BUB3: variants seen among roughly 807,000 people sequenced by gnomAD.
The protein encoded by BUB3 is mitotic checkpoint protein BUB3.
A neutral mutation model predicts 39.9 loss-of-function variants in BUB3; 22 were observed. That is an observed-to-expected ratio of 0.55 (90% CI 0.39 to 0.79). The LOEUF is 0.79. BUB3 is among the 30% of genes least tolerant of loss of function. The pLI is 0.00. For missense variants in BUB3, 303 were observed against 415.4 expected (o/e 0.73, Z 2.35); for synonymous variants, 168 against 155.1 (o/e 1.08, Z -0.62).
intron 5 of BUB3, 87 bp downstream of exon 5, chr10:123,160,652 C>T (rs1844409805): frequency 8.2e-7 from 1 of 1,220,868 alleles, no homozygotes; most frequent in Admixed American, 3.1e-5. Flanking sequence ...CCCCTAAAGC[C>T]TTCTTTTTTT....
intron 3 of BUB3, among the ~76,000 whole-genome samples, chr10:123,156,011 T>C (rs1844343878): frequency 6.6e-6 from 1 of 152,236 alleles, no homozygotes; most frequent in Non-Finnish European, 1.5e-5. Context: ...AGAAGTGGGC[T>C]GGATCCCAGA....
At chr10:123,157,372 T>G (rs1844363366) in intron 3 of BUB3, among the ~76,000 whole-genome samples, 1 of 152,230 alleles carries the variant, frequency 6.6e-6, no homozygotes, top group Admixed American at 6.5e-5. Context: ...GACCTTGCAC[T>G]AGATACGGGC....
intron 3 of BUB3, among the ~76,000 whole-genome samples, chr10:123,156,156 T>G (rs1844345178): frequency 6.6e-6 from 1 of 152,262 alleles, no homozygotes; most frequent in Non-Finnish European, 1.5e-5. Flanking sequence ...ATGTCTATAT[T>G]AATTGTGTTT....
rs1844531100 is a variant in BUB3, at chr10:123,170,017, A to G, written c.*6182A>G. On this transcript the variant is annotated 3_prime_UTR_variant, in exon 8 of 8. Coordinates refer to ENST00000368865, the MANE Select transcript of BUB3 (RefSeq NM_004725.4). ...GGTTGCAGTGAGCTGAAGTTGCACC[A>G]CTGCACTCCAGCCTAGGTGACAGAG... 6.6e-6 allele frequency: 1 copy of G among 152,196 alleles called. No individual in the cohort carries two copies. 9.4% of individuals were successfully genotyped at this position (152,196 alleles called of 1,614,324 possible). A position where few individuals can be genotyped will look rare whatever the true frequency, so the allele number is the denominator to read the frequency against.
chr10:123,160,283 G>A (rs1206067664), intron 4 of BUB3, 124 bp from the exon 5 acceptor site: 5 of 836,210 alleles, frequency 6.0e-6, no homozygotes, highest in Non-Finnish European at 8.9e-6. Context: ...ATTGTTATCT[G>A]TGATTGGGGA....
chr10:123,160,030 T>A (rs1033947241), intron 4 of BUB3, among the ~76,000 whole-genome samples: 4 of 152,248 alleles, frequency 2.6e-5, no homozygotes, highest in African/African-American at 9.6e-5. Flanking sequence ...CTTGAATTAT[T>A]TTATGGCTCT....
chr10:123,162,173 A>G (rs1024528843), intron 5 of BUB3, 63 bp from the exon 6 acceptor site: 7 of 1,476,590 alleles, frequency 4.7e-6, no homozygotes, highest in Non-Finnish European at 6.5e-6. Flanking sequence ...GAATTTGGGA[A>G]TTAGCACCTT....
Position 123,164,424 on chromosome 10 carries a change from G to A in BUB3, c.*589G>A. 2 of 985,602 alleles carry A rather than the reference G, an allele frequency of 2.0e-6. No individual in the cohort carries two copies. The highest frequency in any genetic ancestry group is 1.7e-5 in the African/African-American group (1 of 57,344). 61.1% of individuals were successfully genotyped at this position (985,602 alleles called of 1,614,324 possible). A position where few individuals can be genotyped will look rare whatever the true frequency, so the allele number is the denominator to read the frequency against. ...TCAGCTAGTTTTCAATCTTATTAGG[G>A]TGCAGAAGGAAAACTAATAAGAAAA... On this transcript the variant is annotated 3_prime_UTR_variant, in exon 8 of 8. Transcript: ENST00000368865.
chr10:123,161,670 A>G (rs1844425616), intron 5 of BUB3, among the ~76,000 whole-genome samples: 1 of 152,204 alleles, frequency 6.6e-6, no homozygotes, highest in Non-Finnish European at 1.5e-5. Context: ...TTTTTAAGAT[A>G]CTGTCATTTC....
intron 4 of BUB3, among the ~76,000 whole-genome samples, chr10:123,158,138 A>G (rs3816137): frequency 0.19 from 28,537 of 152,132 alleles, 3,203 homozygotes; most frequent in East Asian, 0.36. Context: ...TTAAATCGCA[A>G]AATTGAGAAG....
Position 123,163,855 on chromosome 10 carries a change from G to A in BUB3, c.*20G>A. 1 of 1,602,084 alleles carries A rather than the reference G, an allele frequency of 6.2e-7. No homozygotes were observed. Among genetic ancestry groups the A allele is most frequent in the East Asian group, 2.2e-5 (1 of 44,594 alleles). Reference sequence around the variant, plus strand: ...ACTTGACAAGATTTCATTTACTTAAGTGCCATGTTGATGATAATAAAACAA... The same window carrying A: ...ACTTGACAAGATTTCATTTACTTAAATGCCATGTTGATGATAATAAAACAA... On this transcript the variant is annotated 3_prime_UTR_variant, in exon 8 of 8. Transcript: ENST00000368865.
chr10:123,155,520 G>GT, intron 2 of BUB3, 138 bp from the exon 3 acceptor site: 1 of 768,028 alleles, frequency 1.3e-6, no homozygotes, highest in Non-Finnish European at 2.1e-6. Flanking sequence ...TTTTTATGCT[G>GT]TTTTTTGGTT....
At position 123,164,923 on chromosome 10, in the gene BUB3, T is replaced by C; in HGVS notation, c.*1088T>C. The C allele has an allele frequency of 6.8e-7, 1 of 1,463,538 alleles. No individual in the cohort carries two copies. Among genetic ancestry groups the C allele is most frequent in the Non-Finnish European group, 9.0e-7 (1 of 1,108,600 alleles). 90.7% of individuals were successfully genotyped at this position (1,463,538 alleles called of 1,614,324 possible). The stretch of plus-strand genomic sequence containing the variant: ...CTTGGACCTTTCCTGAGATTTATTT[T>C]ATCCGTGATGTATTTTTTTTAATTC... On this transcript the variant is annotated 3_prime_UTR_variant, in exon 8 of 8. Transcript: ENST00000368865.
Position 123,162,693 on chromosome 10 carries a change from T to G in BUB3, c.836T>G (p.Ile279Ser), listed in dbSNP as rs994006181. 1.9e-6 allele frequency: 3 copies of G among 1,611,450 alleles called. No homozygotes were observed. The highest frequency in any genetic ancestry group is 1.3e-5 in the African/African-American group (1 of 74,726). ...LCQFHRYPTS[I>S]ASLAFSNDGT... ...CAATTCCATCGGTACCCCACGAGCA[T>G]CGCATCACTTGCCTTCAGTAATGAT... is the stretch of plus-strand genomic sequence containing the variant. Residue 279 changes from isoleucine to serine, a missense_variant, in exon 7 of 8, where the codon ATC becomes AGC. Transcript: ENST00000368865.
At position 123,160,404 on chromosome 10, in the gene BUB3, A is replaced by C; in HGVS notation, c.418-3A>C. The C allele has an allele frequency of 6.6e-7, 1 of 1,515,442 alleles. No individual in the cohort carries two copies. The highest frequency in any genetic ancestry group is 8.8e-7 in the Non-Finnish European group (1 of 1,133,802). 93.9% of individuals were successfully genotyped at this position (1,515,442 alleles called of 1,614,324 possible). On this transcript the variant is annotated splice_polypyrimidine_tract_variant and splice_region_variant and intron_variant, in intron 4 of 7. Coordinates refer to ENST00000368865, the MANE Select transcript of BUB3 (RefSeq NM_004725.4). Reference sequence around the variant, plus strand: ...TTTAGCAAGTTTTGATCTTTTTTAAAAGGTATATACCCTCTCAGTGTCTGG... The same window carrying C: ...TTTAGCAAGTTTTGATCTTTTTTAACAGGTATATACCCTCTCAGTGTCTGG...
intron 3 of BUB3, among the ~76,000 whole-genome samples, chr10:123,156,750 C>CTTTTTTTTTTTTTTTTTTTT (rs1589688487): frequency 1.6e-5 from 2 of 123,408 alleles, no homozygotes; most frequent in Non-Finnish European, 3.4e-5. Flanking sequence ...CTTTTTCTTT[C>CTTTTTTTTTTTTTTTTTTTT]TTGTTTTTTT....
At position 123,164,469 on chromosome 10, in the gene BUB3, G is replaced by T; in HGVS notation, c.*634G>T. 1.0e-6 allele frequency: 1 copy of T among 985,682 alleles called. No homozygotes were observed. Among genetic ancestry groups the T allele is most frequent in the Non-Finnish European group, 1.2e-6 (1 of 830,142 alleles). 61.1% of individuals were successfully genotyped at this position (985,682 alleles called of 1,614,324 possible). A position where few individuals can be genotyped will look rare whatever the true frequency, so the allele number is the denominator to read the frequency against. ...AGAAAACCTCCTAATATCATTTTGT[G>T]ACTGTAAACAATTATTTATTAGCAA... On this transcript the variant is annotated 3_prime_UTR_variant, in exon 8 of 8. Transcript: ENST00000368865.
chr10:123,160,354 G>A, intron 4 of BUB3, 53 bp from the exon 5 acceptor site: 1 of 1,431,630 alleles, frequency 7.0e-7, no homozygotes, highest in South Asian at 1.6e-5. Context: ...GGGGCAAAAT[G>A]CCATTTTCAG....
At position 123,167,958 on chromosome 10, in the gene BUB3, C is replaced by T. The variant is rs1308757554; in HGVS notation, c.*4123C>T. The T allele has an allele frequency of 1.3e-5, 2 of 151,628 alleles. No homozygotes were observed. The highest frequency in any genetic ancestry group is 2.4e-5 in the African/African-American group (1 of 41,226). 9.4% of individuals were successfully genotyped at this position (151,628 alleles called of 1,614,324 possible). On this transcript the variant is annotated 3_prime_UTR_variant, in exon 8 of 8. Coordinates refer to ENST00000368865, the MANE Select transcript of BUB3 (RefSeq NM_004725.4). ...ATTTACAAATTTATGTAATTTTTTA[C>T]GCTTTTTTTTTTTCTCCTTTTTCTG...
Sources: gnomAD v4.1 joint callset for allele counts (sites outside exome capture counted in the v4.1 genomes callset) on GRCh38, gnomAD v4.1.1 for gene constraint, MANE v1.5 for transcripts, NCBI Gene and HGNC (gene_info 2026-07-23, HGNC 2026-07-21) for gene names.